C22orf42: variants seen among roughly 807,000 people sequenced by gnomAD.
The protein encoded by C22orf42 is uncharacterized protein C22orf42.
C22orf42 carries 24 observed loss-of-function variants against 31.4 expected under a neutral mutation model. The observed-to-expected ratio is 0.77, with a 90% CI of 0.55 to 1.08. The LOEUF (loss-of-function observed/expected upper bound fraction) is 1.08, where lower values mean the gene tolerates loss of function less well. C22orf42 is among the 50% of genes least tolerant of loss of function. C22orf42 has a pLI of 0.00. For missense variants in C22orf42, 276 were observed against 327.3 expected (o/e 0.84, Z 1.21); for synonymous variants, 96 against 112.7 (o/e 0.85, Z 0.94).
rs781094147 is a variant in C22orf42, at chr22:32,151,589, T to A, written c.401-38A>T. On this transcript the variant is annotated intron_variant, in intron 4 of 8. Coordinates refer to ENST00000382097, the MANE Select transcript of C22orf42 (RefSeq NM_001010859.3). ...AGAGTGACAGTCAGTGCATTGGTGC[T>A]GCTGAGGAATCCCACAAGGAGCCCT... 5 of 1,603,012 alleles carry A rather than the reference T, an allele frequency of 3.1e-6. No homozygotes were observed. The South Asian group carries it at 5.5e-5, about 18-fold the overall frequency.
chr22:32,149,654 T>A (rs56938357), intron 8 of C22orf42, 41 bp from the exon 9 acceptor site: 190,660 of 1,091,872 alleles, frequency 0.17, 14,387 homozygotes, highest in African/African-American at 0.39. Context: ...AAAAAAAATA[T>A]ATATATATAT....
In C22orf42 at chr22:32,149,427, A is replaced by C. The variant is rs1025716369; in HGVS notation, c.*113T>G. 8 of 1,269,770 alleles carry C rather than the reference A, an allele frequency of 6.3e-6. No homozygotes were observed. In the African/African-American group the frequency reaches 1.0e-4, roughly 17 times the overall value. The allele number at this position is 1,269,770 out of a possible 1,614,324, so 78.7% of individuals were successfully genotyped here. A position where few individuals can be genotyped will look rare whatever the true frequency, so the allele number is the denominator to read the frequency against. On this transcript the variant is annotated 3_prime_UTR_variant, in exon 9 of 9. Transcript: ENST00000382097. ...AGGTCACTGTTCACAGGTGCTCAGT[A>C]GGAAGAGAGAGAGGCTTGTGATTTT... is the stretch of plus-strand genomic sequence containing the variant.
chr22:32,151,418 A>T, intron 5 of C22orf42, 69 bp downstream of exon 5: 11 of 1,465,004 alleles, frequency 7.5e-6, no homozygotes, highest in Non-Finnish European at 1.1e-5. Flanking sequence ...AATGATATTC[A>T]TTTGATATTC....
chr22:32,150,454 G>A lies in C22orf42; in HGVS notation c.519C>T (p.Ser173=). ...DHHLVEDLSE[S]LSVCLEDFMT... is the part of the protein sequence containing the mutation. ...TGAAGTCTTCAAGACAGACAGATAGGCTTTCACTGAGATCTTCGACCAAAT... is the reference window on the plus strand; with the variant it reads ...TGAAGTCTTCAAGACAGACAGATAGACTTTCACTGAGATCTTCGACCAAAT... The change falls in exon 7 of 9, where the codon AGC becomes AGT. Residue 173 remains serine (S), a synonymous_variant. Coordinates refer to ENST00000382097, the MANE Select transcript of C22orf42 (RefSeq NM_001010859.3). The A allele has an allele frequency of 6.2e-7, 1 of 1,614,126 alleles. No individual in the cohort carries two copies. The highest frequency in any genetic ancestry group is 2.2e-5 in the East Asian group (1 of 44,880).
chr22:32,159,506 T>C, upstream of C22orf42: 2 of 1,271,892 alleles, frequency 1.6e-6, no homozygotes, highest in Non-Finnish European at 2.0e-6. Flanking sequence ...CATCCTGGGC[T>C]GCCTGAGCTT....
chr22:32,156,953 T>C (rs1044864845), intron 1 of C22orf42, among the ~76,000 whole-genome samples: 2 of 152,172 alleles, frequency 1.3e-5, no homozygotes, highest in Non-Finnish European at 2.9e-5. Context: ...CCACCAGCAA[T>C]ATATGCATGC....
chr22:32,151,525 C>A lies in C22orf42; in HGVS notation c.427G>T (p.Ala143Ser). The change falls in exon 5 of 9, where the codon GCA becomes TCA. Residue 143 changes from alanine to serine, a missense_variant. By Grantham distance (99) the Ala-to-Ser change is moderately conservative. Coordinates refer to ENST00000382097, the MANE Select transcript of C22orf42 (RefSeq NM_001010859.3). ...HRPTEDVQVS[A>S]HGGVEENITS... ...ATATTCTCCTCCACACCGCCGTGTG[C>A]AGACACCTGCACATCTTCAGTGGGA... 1 of 1,613,820 alleles carries A rather than the reference C, an allele frequency of 6.2e-7. No individual in the cohort carries two copies. The highest frequency in any genetic ancestry group is 8.5e-7 in the Non-Finnish European group (1 of 1,179,694).
chr22:32,151,529 C>T lies in C22orf42; in HGVS notation c.423G>A (p.Val141=). ...HDHRPTEDVQ[V]SAHGGVEENI... ...TCTCCTCCACACCGCCGTGTGCAGA[C>T]ACCTGCACATCTTCAGTGGGACCTA... is the stretch of plus-strand genomic sequence containing the variant. Residue 141 remains valine, a synonymous_variant, in exon 5 of 9, where the codon GTG becomes GTA. Transcript: ENST00000382097. 1.2e-6 allele frequency: 2 copies of T among 1,613,820 alleles called. No homozygotes were observed. The highest frequency in any genetic ancestry group is 1.7e-6 in the Non-Finnish European group (2 of 1,179,684).
At position 32,159,279 on chromosome 22, in the gene C22orf42, C is replaced by T. The variant is rs1411501677; in HGVS notation, c.-64G>A. 3.8e-6 allele frequency: 6 copies of T among 1,578,606 alleles called. No individual in the cohort carries two copies. The African/African-American group carries it at 6.7e-5, about 18-fold the overall frequency. ...GGACAGAATGTAGTCGGAGCTCCTC[C>T]TCCTTCTACGGCCAGCTACCGACTG... is the stretch of plus-strand genomic sequence containing the variant. On this transcript the variant is annotated 5_prime_UTR_variant, in exon 1 of 9. Coordinates refer to ENST00000382097, the MANE Select transcript of C22orf42 (RefSeq NM_001010859.3).
chr22:32,152,132 T>C, intron 3 of C22orf42, 38 bp from the exon 4 acceptor site: 1 of 1,598,958 alleles, frequency 6.3e-7, no homozygotes, highest in South Asian at 1.1e-5. Context: ...ACCATGAGGA[T>C]CAGATCATGC....
At chr22:32,152,698 T>C (rs1282774654) in intron 2 of C22orf42, 72 bp from the exon 3 acceptor site, 21 of 1,463,300 alleles carry the variant, frequency 1.4e-5, no homozygotes, top group Non-Finnish European at 2.0e-5. Context: ...CTGGGGGATG[T>C]GGACCGGGGC....
chr22:32,150,649 G>A (rs768043499), intron 6 of C22orf42, 170 bp from the exon 7 acceptor site: 2 of 672,972 alleles, frequency 3.0e-6, no homozygotes, highest in Non-Finnish European at 5.2e-6. Context: ...AAAGGAGAAG[G>A]GCAGAAAGAA....
At chr22:32,152,531 T>C (rs762033145) in intron 3 of C22orf42, 31 bp downstream of exon 3, 13 of 1,584,442 alleles carry the variant, frequency 8.2e-6, no homozygotes, top group South Asian at 6.6e-5. Context: ...ACAAAAAGCA[T>C]TTCTCTTCCA....
intron 2 of C22orf42, among the ~76,000 whole-genome samples, 161 bp from the exon 3 acceptor site, chr22:32,152,787 CA>C (rs1340380773): frequency 4.6e-5 from 7 of 152,114 alleles, no homozygotes; most frequent in Non-Finnish European, 7.3e-5. Context: ...TGAGGGAAGG[CA>C]AAGGAGAGGG....
upstream of C22orf42, chr22:32,159,454 C>T (rs1222194564): frequency 7.2e-7 from 1 of 1,386,302 alleles, no homozygotes; most frequent in Non-Finnish European, 9.4e-7. Context: ...TGCTGCTGCC[C>T]ACCTTGTGGC....
In C22orf42 at chr22:32,151,069, G is replaced by A. The variant is rs773001626; in HGVS notation, c.466-50C>T. 45 of 1,591,864 alleles carry A rather than the reference G, an allele frequency of 2.8e-5. 1 individual carries two copies. In the African/African-American group the frequency reaches 4.3e-4, roughly 15 times the overall value. On this transcript the variant is annotated intron_variant, in intron 5 of 8. Coordinates refer to ENST00000382097, the MANE Select transcript of C22orf42 (RefSeq NM_001010859.3). ...AACACCATGAGGATCAGATCTTGCTGGGTTCTGTTGGCAAAGGCCTTTTAT... is the reference window on the plus strand; with the variant it reads ...AACACCATGAGGATCAGATCTTGCTAGGTTCTGTTGGCAAAGGCCTTTTAT...
Position 32,150,419 on chromosome 22 carries a change from T to C in C22orf42, c.554A>G (p.Asp185Gly), listed in dbSNP as rs866769331. 1 of 1,613,930 alleles carries C rather than the reference T, an allele frequency of 6.2e-7. No individual in the cohort carries two copies. ...AGAGACAGATAGGCTTTCACTGAGA[T>C]CCGATGTCATGAAGTCTTCAAGACA... ...SVCLEDFMTS[D>G]LSESLSVSLE... Residue 185 changes from aspartate to glycine, a missense_variant, in exon 7 of 9, where the codon GAT becomes GGT. By Grantham distance (94) the Asp-to-Gly change is moderately conservative. Transcript: ENST00000382097.
At position 32,149,454 on chromosome 22, in the gene C22orf42, T is replaced by C. The variant is rs2094108113; in HGVS notation, c.*86A>G. ...GAAGAGAGAGAGGCTTGTGATTTTT[T>C]TTTCACCCAGATGGAAATATGCATT... On this transcript the variant is annotated 3_prime_UTR_variant, in exon 9 of 9. Coordinates refer to ENST00000382097, the MANE Select transcript of C22orf42 (RefSeq NM_001010859.3). 3.7e-6 allele frequency: 5 copies of C among 1,369,434 alleles called. No individual in the cohort carries two copies. In the Admixed American group the frequency reaches 6.9e-5, roughly 19 times the overall value. The allele number at this position is 1,369,434 out of a possible 1,614,324, so 84.8% of individuals were successfully genotyped here.
chr22:32,149,814 C>T (rs374984387), intron 7 of C22orf42, 34 bp from the exon 8 acceptor site: 25 of 1,477,842 alleles, frequency 1.7e-5, no homozygotes, highest in African/African-American at 8.8e-5. Flanking sequence ...CCATGAGGAT[C>T]GGATCATGCT....
Sources: allele counts gnomAD v4.1 joint callset (sites outside exome capture counted in the v4.1 genomes callset), GRCh38; gene constraint gnomAD v4.1.1; transcripts MANE v1.5; gene names NCBI Gene and HGNC (gene_info 2026-07-23, HGNC 2026-07-21).